POLR2B: variants seen among roughly 807,000 people sequenced by gnomAD.
POLR2B encodes DNA-directed RNA polymerase II subunit RPB2.
A neutral mutation model predicts 144.6 loss-of-function variants in POLR2B; 57 were observed. The ratio of observed to expected loss-of-function variants is 0.39; its 90% CI spans 0.32 to 0.49. The LOEUF (loss-of-function observed/expected upper bound fraction) is 0.49, where lower values mean the gene tolerates loss of function less well. POLR2B is among the 20% of genes least tolerant of loss of function. POLR2B has a pLI of 0.83. For synonymous variants in POLR2B, 442 were observed against 469.8 expected (o/e 0.94, Z 0.77); for missense variants, 595 against 1,467.4 (o/e 0.41, Z 9.71).
intron 7 of POLR2B, among the ~76,000 whole-genome samples, chr4:57,000,141 A>G (rs1358290882): frequency 6.6e-6 from 1 of 152,218 alleles, no homozygotes; most frequent in Non-Finnish European, 1.5e-5. Flanking sequence ...GACTTACAGA[A>G]AAGTTACAAA....
intron 23 of POLR2B, among the ~76,000 whole-genome samples, chr4:57,028,786 C>G (rs1723805436): frequency 6.6e-6 from 1 of 152,244 alleles, no homozygotes; most frequent in African/African-American, 2.4e-5. Flanking sequence ...GATTAGGACA[C>G]TAAACCTAAC....
chr4:56,980,152 C>T (rs1462687838), intron 1 of POLR2B, among the ~76,000 whole-genome samples: 2 of 149,814 alleles, frequency 1.3e-5, no homozygotes, highest in Admixed American at 6.7e-5. Context: ...TCTCAAACTC[C>T]TGAGGTCAAA....
intron 1 of POLR2B, among the ~76,000 whole-genome samples, chr4:56,981,892 T>G (rs1722166533): frequency 6.6e-6 from 1 of 152,252 alleles, no homozygotes. Flanking sequence ...TCTCAATTGA[T>G]AAATGAGATG....
chr4:57,015,182 C>T (rs1352110065), intron 13 of POLR2B, among the ~76,000 whole-genome samples: 2 of 152,020 alleles, frequency 1.3e-5, no homozygotes, highest in African/African-American at 4.8e-5. Context: ...ATGTCATCAG[C>T]AAAGAACCAA....
intron 6 of POLR2B, among the ~76,000 whole-genome samples, chr4:56,999,328 A>G (rs1382790054): frequency 2.0e-5 from 3 of 151,616 alleles, no homozygotes; most frequent in Non-Finnish European, 4.4e-5. Flanking sequence ...TTGCAGCCAA[A>G]AGTGATTTCC....
intron 2 of POLR2B, among the ~76,000 whole-genome samples, chr4:56,990,258 C>T (rs1054790176): frequency 4.0e-5 from 6 of 151,518 alleles, no homozygotes; most frequent in South Asian, 2.1e-4. Context: ...GATAGGGTTT[C>T]GCTGTCTCCT....
chr4:56,994,922 GTT>G, intron 5 of POLR2B, 56 bp downstream of exon 5: 1 of 808,430 alleles, frequency 1.2e-6, no homozygotes, highest in Non-Finnish European at 1.8e-6. Flanking sequence ...TTAGTTTAAA[GTT>G]GAAATGAAAA....
In POLR2B at chr4:57,023,316, C is replaced by CT; in HGVS notation, c.2516-13dup. On this transcript the variant is annotated splice_polypyrimidine_tract_variant and intron_variant, in intron 18 of 24. Coordinates refer to ENST00000314595, the MANE Select transcript of POLR2B (RefSeq NM_000938.3). This position sits in a 1 kb window ranked among gnomAD's most constrained non-coding sequence, Gnocchi z 4.3. ...TTGGGGATTATGTGACATTCCGTGT[C>CT]TATTTCCTCACAGGCATGAGGCATG... 1 of 1,613,018 alleles carries CT rather than the reference C, an allele frequency of 6.2e-7. No individual in the cohort carries two copies. The highest frequency in any genetic ancestry group is 8.5e-7 in the Non-Finnish European group (1 of 1,179,286).
intron 3 of POLR2B, among the ~76,000 whole-genome samples, chr4:56,992,716 C>G (rs554734222): frequency 6.6e-6 from 1 of 151,058 alleles, no homozygotes; most frequent in South Asian, 2.1e-4. Context: ...CCTGCCACCA[C>G]GCCCGGCTAT....
At position 57,023,745 on chromosome 4, in the gene POLR2B, A is replaced by G; in HGVS notation, c.2850A>G (p.Arg950=). The G allele has an allele frequency of 6.3e-7, 1 of 1,587,936 alleles. No individual in the cohort carries two copies. The highest frequency in any genetic ancestry group is 8.6e-7 in the Non-Finnish European group (1 of 1,162,506). ...AGGGTACTTGTGGTATTCAGTATAG[A>G]CAAGAGGTAGGTATCTTTGATCTCC... ...GQKGTCGIQY[R]QEDMPFTCEG... is the part of the protein sequence containing the mutation. Residue 950 remains arginine (R), a synonymous_variant, in exon 20 of 25, where the codon AGA becomes AGG. Transcript: ENST00000314595. This position sits in a 1 kb window ranked among gnomAD's most constrained non-coding sequence, Gnocchi z 4.3.
At chr4:56,996,634 G>C (rs1271417886) in intron 6 of POLR2B, among the ~76,000 whole-genome samples, 2 of 151,858 alleles carry the variant, frequency 1.3e-5, no homozygotes, top group Non-Finnish European at 2.9e-5. Context: ...GTGATATTTT[G>C]ATACGTGTAT....
Position 57,031,012 on chromosome 4 carries a change from T to G in POLR2B, c.*24T>G. 4 of 1,313,390 alleles carry G rather than the reference T, an allele frequency of 3.0e-6. No homozygotes were observed. Among genetic ancestry groups the G allele is most frequent in the Non-Finnish European group, 4.4e-6 (4 of 905,744 alleles). The allele number at this position is 1,313,390 out of a possible 1,614,324, so 81.4% of individuals were successfully genotyped here. A position where few individuals can be genotyped will look rare whatever the true frequency, so the allele number is the denominator to read the frequency against. ...AGCTATTTTACAGGAGTCAACAAGA[T>G]AATTAAATATCTTGGTGTCTTGTTT... On this transcript the variant is annotated 3_prime_UTR_variant, in exon 25 of 25. Coordinates refer to ENST00000314595, the MANE Select transcript of POLR2B (RefSeq NM_000938.3).
At position 57,025,007 on chromosome 4, in the gene POLR2B, T is replaced by G; in HGVS notation, c.3078+8T>G. 14 of 1,359,972 alleles carry G rather than the reference T, an allele frequency of 1.0e-5. No homozygotes were observed. The highest frequency in any genetic ancestry group is 1.8e-5 in the Admixed American group (1 of 54,084). 84.2% of individuals were successfully genotyped at this position (1,359,972 alleles called of 1,614,324 possible). A position where few individuals can be genotyped will look rare whatever the true frequency, so the allele number is the denominator to read the frequency against. The stretch of plus-strand genomic sequence containing the variant: ...CATCTCAGAGGAAATGAGGTATATT[T>G]GCTCTTATAGTAGTAATTTGCCACT... On this transcript the variant is annotated splice_region_variant and intron_variant, in intron 22 of 24. Coordinates refer to ENST00000314595, the MANE Select transcript of POLR2B (RefSeq NM_000938.3).
At chr4:57,003,937 G>A (rs1722930003) in intron 7 of POLR2B, among the ~76,000 whole-genome samples, 1 of 151,640 alleles carries the variant, frequency 6.6e-6, no homozygotes, top group Non-Finnish European at 1.5e-5. Flanking sequence ...TTCCAGCCAG[G>A]GCGACAGAGT....
At position 57,023,793 on chromosome 4, in the gene POLR2B, T is replaced by C. The variant is rs1290710790; in HGVS notation, c.2856+42T>C. ...TCCCTCATGCCCAAACCAGTTTTGT[T>C]AAATATTTTTTTTTTAATCAAAATT... On this transcript the variant is annotated intron_variant, in intron 20 of 24. Coordinates refer to ENST00000314595, the MANE Select transcript of POLR2B (RefSeq NM_000938.3). The surrounding 1 kb of genome is among the most constrained non-coding windows in gnomAD (Gnocchi z 4.3). 1 of 1,335,572 alleles carries C rather than the reference T, an allele frequency of 7.5e-7. No homozygotes were observed. The highest frequency in any genetic ancestry group is 1.3e-5 in the South Asian group (1 of 76,886). 82.7% of individuals were successfully genotyped at this position (1,335,572 alleles called of 1,614,324 possible).
chr4:56,994,586 T>C, intron 4 of POLR2B, 61 bp from the exon 5 acceptor site: 1 of 1,453,504 alleles, frequency 6.9e-7, no homozygotes, highest in South Asian at 1.1e-5. Context: ...TTTTAACCAC[T>C]TGAGGATTTG....
chr4:57,017,820 A>T lies in POLR2B; in HGVS notation c.2323+92A>T. 1.3e-6 allele frequency: 1 copy of T among 775,604 alleles called. No homozygotes were observed. The highest frequency in any genetic ancestry group is 3.0e-5 in the Admixed American group (1 of 33,142). 48.0% of individuals were successfully genotyped at this position (775,604 alleles called of 1,614,324 possible). A position where few individuals can be genotyped will look rare whatever the true frequency, so the allele number is the denominator to read the frequency against. On this transcript the variant is annotated intron_variant, in intron 16 of 24. Transcript: ENST00000314595. The surrounding 1 kb of genome is among the most constrained non-coding windows in gnomAD (Gnocchi z 4.8). ...GGGAGGATTAAAAAATAAATATGAC[A>T]TAGTGCCTGTTCTCACGGAATTTAT...
chr4:57,028,594 A>G lies in POLR2B; in HGVS notation c.3240-1610A>G, dbSNP rs191283090. 3.8e-4 allele frequency among the ~76,000 whole-genome samples: 58 copies of G among 152,306 alleles called. 1 individual carries two copies. The highest frequency in any genetic ancestry group is 1.3e-3 in the African/African-American group (56 of 41,568). On this transcript the variant is annotated intron_variant, in intron 23 of 24. Coordinates refer to ENST00000314595, the MANE Select transcript of POLR2B (RefSeq NM_000938.3). Reference sequence around the variant, plus strand: ...TTGAATGGAGAATATGACTGCTAGTAATGTTTGGTTCTGCTACCCTGAGTT... The same window carrying G: ...TTGAATGGAGAATATGACTGCTAGTGATGTTTGGTTCTGCTACCCTGAGTT...
intron 7 of POLR2B, among the ~76,000 whole-genome samples, chr4:57,004,241 G>A (rs1025122566): frequency 7.4e-6 from 1 of 135,468 alleles, no homozygotes; most frequent in Non-Finnish European, 1.6e-5. Context: ...TGGCCAGGCT[G>A]GTCTTCACTA....
Sources: allele counts gnomAD v4.1 joint callset (sites outside exome capture counted in the v4.1 genomes callset), GRCh38; gene constraint gnomAD v4.1.1; non-coding constraint Gnocchi (gnomAD v3.1); transcripts MANE v1.5; gene names NCBI Gene and HGNC (gene_info 2026-07-23, HGNC 2026-07-21).